Variants in AGAP1 observed in about 807,000 individuals in gnomAD.
AGAP1 encodes ArfGAP with GTPase domain, ankyrin repeat and PH domain 1, also known as arf-GAP with GTPase, ANK repeat and PH domain-containing protein 1.
AGAP1 carries 29 observed loss-of-function variants against 105.3 expected under a neutral mutation model. The observed-to-expected ratio is 0.28, with a 90% CI of 0.21 to 0.38. AGAP1 has a LOEUF of 0.38. Ranked by LOEUF, AGAP1 falls within the 10% of genes least tolerant of loss-of-function variation. The probability of loss-of-function intolerance (pLI) is 1.00; values close to 1 mark genes in which losing one functional copy is unlikely to be tolerated. For missense variants in AGAP1, 998 were observed against 1,165.1 expected (o/e 0.86, Z 2.09); for synonymous variants, 509 against 485.9 (o/e 1.05, Z -0.63).
rs533817668 is a variant in AGAP1, at chr2:235,964,944, C to G, written c.1484-3518C>G. ...TGTGAAAACAGGCTGAGCTCGAGGT[C>G]CCAGGCTGCTCAAGGCAAGGGAAGT... On this transcript the variant is annotated intron_variant, in intron 12 of 17. Coordinates refer to ENST00000304032, the MANE Select transcript of AGAP1 (RefSeq NM_001037131.3). The surrounding 1 kb of genome is among the most constrained non-coding windows in gnomAD (Gnocchi z 4.6). Among the ~76,000 whole-genome samples, 1 of 152,124 alleles carries G rather than the reference C, an allele frequency of 6.6e-6. No homozygotes were observed. Among genetic ancestry groups the G allele is most frequent in the Non-Finnish European group, 1.5e-5 (1 of 68,036 alleles).
At position 236,109,708 on chromosome 2, in the gene AGAP1, G is replaced by A. The variant is rs1292977839; in HGVS notation, c.2115-10484G>A. 6.6e-6 allele frequency among the ~76,000 whole-genome samples: 1 copy of A among 152,190 alleles called. No homozygotes were observed. The highest frequency in any genetic ancestry group is 1.9e-4 in the East Asian group (1 of 5,188). The stretch of plus-strand genomic sequence containing the variant: ...GCAGCCGTGGAAACGTTCTGGATCC[G>A]AGCATCCCAGGGTAGCAGCTGCCAA... On this transcript the variant is annotated intron_variant, in intron 16 of 17. Transcript: ENST00000304032. The surrounding 1 kb of genome is among the most constrained non-coding windows in gnomAD (Gnocchi z 5.4).
At chr2:235,678,532 G>A (rs1310561905) in intron 1 of AGAP1, among the ~76,000 whole-genome samples, 1 of 152,210 alleles carries the variant, frequency 6.6e-6, no homozygotes, top group Admixed American at 6.5e-5. Flanking sequence ...GCGAGGGATT[G>A]TTAGGACGGG....
intron 1 of AGAP1, among the ~76,000 whole-genome samples, chr2:235,536,992 G>A (rs57911908): frequency 0.065 from 9,845 of 152,174 alleles, 452 homozygotes; most frequent in South Asian, 0.18. Context: ...CTATCTGTGC[G>A]TGCATTTATT....
Position 235,967,601 on chromosome 2 carries a change from CTGACTT to C in AGAP1, c.1484-858_1484-853del, listed in dbSNP as rs2054460621. 6.6e-6 allele frequency among the ~76,000 whole-genome samples: 1 copy of C among 152,208 alleles called. No individual in the cohort carries two copies. The highest frequency in any genetic ancestry group is 6.5e-5 in the Admixed American group (1 of 15,286). On this transcript the variant is annotated intron_variant, in intron 12 of 17. Transcript: ENST00000304032. The surrounding 1 kb of genome is among the most constrained non-coding windows in gnomAD (Gnocchi z 4.7). ...TGAGTGCGGTGTGCTGTACAGAACT[CTGACTT>C]TGGACTTAAAGATGCTGAATCGTGA... is the stretch of plus-strand genomic sequence containing the variant.
At position 235,586,735 on chromosome 2, in the gene AGAP1, A is replaced by C. The variant is rs528374713; in HGVS notation, c.163+91886A>C. 6.6e-6 allele frequency among the ~76,000 whole-genome samples: 1 copy of C among 152,172 alleles called. No individual in the cohort carries two copies. The highest frequency in any genetic ancestry group is 2.4e-5 in the African/African-American group (1 of 41,442). On this transcript the variant is annotated intron_variant, in intron 1 of 17. Transcript: ENST00000304032. This position sits in a 1 kb window ranked among gnomAD's most constrained non-coding sequence, Gnocchi z 4.2. Reference sequence around the variant, plus strand: ...TGTGAACAACACAGACCACTAAGAGATGTGACAAAGCTGTTCCATCAGAGG... The same window carrying C: ...TGTGAACAACACAGACCACTAAGAGCTGTGACAAAGCTGTTCCATCAGAGG...
At chr2:235,784,002 G>A (rs1424183534) in intron 6 of AGAP1, among the ~76,000 whole-genome samples, 4 of 152,124 alleles carry the variant, frequency 2.6e-5, no homozygotes, top group African/African-American at 9.7e-5. Context: ...GGATGGATGG[G>A]TGGATAGATA....
At chr2:235,676,383 T>A (rs1374564469) in intron 1 of AGAP1, among the ~76,000 whole-genome samples, 1 of 152,200 alleles carries the variant, frequency 6.6e-6, no homozygotes, top group South Asian at 2.1e-4. Flanking sequence ...ACACATAGAT[T>A]TTAGTAAATG....
chr2:236,094,432 A>C (rs777010955), intron 16 of AGAP1, among the ~76,000 whole-genome samples: 2 of 151,220 alleles, frequency 1.3e-5, no homozygotes, highest in Non-Finnish European at 2.9e-5. Context: ...GCCCACTGCA[A>C]CCTCCACCTC....
At chr2:235,579,593 G>C (rs895876528) in intron 1 of AGAP1, among the ~76,000 whole-genome samples, 3 of 152,064 alleles carry the variant, frequency 2.0e-5, no homozygotes, top group African/African-American at 7.2e-5. Flanking sequence ...GGCTAACACA[G>C]TGAAACCCCG....
At chr2:235,790,589 C>T (rs1209797863) in intron 6 of AGAP1, among the ~76,000 whole-genome samples, 1 of 152,200 alleles carries the variant, frequency 6.6e-6, no homozygotes, top group Non-Finnish European at 1.5e-5. Context: ...AATAACCCCC[C>T]ATTGCCTTAA....
chr2:235,870,460 C>G (rs1389008805), intron 9 of AGAP1, among the ~76,000 whole-genome samples: 1 of 152,142 alleles, frequency 6.6e-6, no homozygotes, highest in Non-Finnish European at 1.5e-5. Context: ...AACCCTGTCT[C>G]TACTAAAAAT....
At chr2:235,565,515 G>C (rs1944320079) in intron 1 of AGAP1, among the ~76,000 whole-genome samples, 1 of 152,198 alleles carries the variant, frequency 6.6e-6, no homozygotes, top group African/African-American at 2.4e-5. Flanking sequence ...GTGGGGCGGG[G>C]CTCACAGGAA....
At chr2:235,546,162 G>A (rs1192199732) in intron 1 of AGAP1, among the ~76,000 whole-genome samples, 1 of 152,170 alleles carries the variant, frequency 6.6e-6, no homozygotes, top group African/African-American at 2.4e-5. Context: ...ACACCAATCT[G>A]GGCTGTTCTG....
intron 13 of AGAP1, among the ~76,000 whole-genome samples, chr2:236,007,953 A>G (rs1294975544): frequency 6.6e-6 from 1 of 152,240 alleles, no homozygotes; most frequent in Non-Finnish European, 1.5e-5. Flanking sequence ...CCACTGAACA[A>G]ATCTCACAAG....
intron 1 of AGAP1, among the ~76,000 whole-genome samples, chr2:235,546,926 G>A (rs1943640932): frequency 6.6e-6 from 1 of 152,240 alleles, no homozygotes; most frequent in South Asian, 2.1e-4. Context: ...AGCTGACTGA[G>A]CAGGCGGCTC....
intron 2 of AGAP1, among the ~76,000 whole-genome samples, chr2:235,713,008 C>T (rs1443246706): frequency 6.6e-6 from 1 of 152,216 alleles, no homozygotes; most frequent in African/African-American, 2.4e-5. Flanking sequence ...GCTGTTCCAG[C>T]CAAACCAAAC....
intron 11 of AGAP1, among the ~76,000 whole-genome samples, chr2:235,917,316 A>C (rs1289767847): frequency 6.6e-6 from 1 of 152,138 alleles, no homozygotes; most frequent in Non-Finnish European, 1.5e-5. Context: ...AGTCTCAACC[A>C]TGCTGTTTTC....
At chr2:235,589,197 T>G (rs908864447) in intron 1 of AGAP1, among the ~76,000 whole-genome samples, 19 of 93,560 alleles carry the variant, frequency 2.0e-4, no homozygotes, top group Middle Eastern at 8.8e-3. Context: ...TTGTTTTGTT[T>G]TTTTTTTTTT....
rs778438106 is a variant in AGAP1, at chr2:235,717,574, G to C, written c.240G>C (p.Leu80Phe). Residue 80 changes from leucine (L) to phenylalanine (F), a missense_variant, in exon 3 of 18, where the codon TTG becomes TTC. Leu to Phe is a conservative substitution (Grantham distance 22). Transcript: ENST00000304032. Reference protein sequence around the residue: ...PELKVGIVGNLASGKSALVHR... With the variant: ...PELKVGIVGNFASGKSALVHR... Reference sequence around the variant, plus strand: ...TGTTTCAGGGAATTGTGGGTAACTTGGCCAGCGGCAAGTCTGCCCTGGTGC... The same window carrying C: ...TGTTTCAGGGAATTGTGGGTAACTTCGCCAGCGGCAAGTCTGCCCTGGTGC... 2 of 1,599,062 alleles carry C rather than the reference G, an allele frequency of 1.3e-6. No individual in the cohort carries two copies. The highest frequency in any genetic ancestry group is 1.7e-6 in the Non-Finnish European group (2 of 1,176,268).
Sources: allele counts gnomAD v4.1 joint callset (sites outside exome capture counted in the v4.1 genomes callset), GRCh38; gene constraint gnomAD v4.1.1; non-coding constraint Gnocchi (gnomAD v3.1); transcripts MANE v1.5; gene names NCBI Gene and HGNC (gene_info 2026-07-23, HGNC 2026-07-21).